SPATA17: variants seen among roughly 807,000 people sequenced by gnomAD.
SPATA17 encodes spermatogenesis associated 17, also known as spermatogenesis-associated protein 17.
In SPATA17, 53 loss-of-function variants were observed where a neutral mutation model predicts 62.2. That is an observed-to-expected ratio of 0.85 (90% confidence interval 0.68 to 1.07). The LOEUF is 1.07. Among genes scored for constraint, SPATA17 ranks in the 50% least tolerant of loss-of-function variants. The probability of loss-of-function intolerance (pLI) is 0.00; values close to 1 mark genes in which losing one functional copy is unlikely to be tolerated. For missense variants in SPATA17, 466 were observed against 425.5 expected (o/e 1.10, Z -0.84); for synonymous variants, 146 against 146.8 (o/e 0.99, Z 0.04).
intron 6 of SPATA17, among the ~76,000 whole-genome samples, chr1:217,773,188 C>T: frequency 6.6e-6 from 1 of 152,086 alleles, no homozygotes; most frequent in East Asian, 1.9e-4. Flanking sequence ...TCGAAGACAG[C>T]TATCTTAGTT....
chr1:217,810,981 C>G (rs990954062), intron 9 of SPATA17, among the ~76,000 whole-genome samples: 1 of 152,056 alleles, frequency 6.6e-6, no homozygotes, highest in Non-Finnish European at 1.5e-5. Context: ...TACACAGAGC[C>G]AAACCATATC....
At chr1:217,759,509 G>T (rs183384651) in intron 6 of SPATA17, among the ~76,000 whole-genome samples, 36 of 152,228 alleles carry the variant, frequency 2.4e-4, no homozygotes, top group Admixed American at 2.6e-4. Context: ...TGGCAATGGG[G>T]AACTGAGTTA....
chr1:217,757,652 G>A (rs1673081326), intron 6 of SPATA17, among the ~76,000 whole-genome samples: 1 of 152,162 alleles, frequency 6.6e-6, no homozygotes. Flanking sequence ...AAGGAAGCAA[G>A]GTTAGAGGAG....
chr1:217,739,008 A>G (rs1485166486), intron 5 of SPATA17, among the ~76,000 whole-genome samples: 1 of 152,142 alleles, frequency 6.6e-6, no homozygotes, highest in Non-Finnish European at 1.5e-5. Context: ...TCACTCCACT[A>G]TATTGTGGCT....
chr1:217,798,891 T>TC (rs375689411), intron 8 of SPATA17, among the ~76,000 whole-genome samples: 43 of 148,458 alleles, frequency 2.9e-4, no homozygotes, highest in South Asian at 1.3e-3. Context: ...TTTTTTTTTT[T>TC]CTGAGACGGA....
chr1:217,647,454 G>A (rs956776164), intron 1 of SPATA17, among the ~76,000 whole-genome samples: 4 of 152,222 alleles, frequency 2.6e-5, no homozygotes, highest in African/African-American at 7.2e-5. Flanking sequence ...GATCTCTCCT[G>A]AGGCCATGGG....
intron 7 of SPATA17, among the ~76,000 whole-genome samples, chr1:217,781,513 G>A (rs919240050): frequency 3.9e-5 from 6 of 152,158 alleles, no homozygotes; most frequent in African/African-American, 1.2e-4. Flanking sequence ...AGCAGGATAT[G>A]TTGTAAGTTA....
intron 5 of SPATA17, among the ~76,000 whole-genome samples, chr1:217,735,278 G>A (rs1327604026): frequency 6.6e-6 from 1 of 152,208 alleles, no homozygotes; most frequent in Admixed American, 6.5e-5. Context: ...GAAAATCCAA[G>A]ACAGGTGCCA....
intron 4 of SPATA17, among the ~76,000 whole-genome samples, chr1:217,670,688 C>T (rs148605952): frequency 3.5e-4 from 53 of 152,272 alleles, no homozygotes; most frequent in African/African-American, 1.1e-3. Context: ...TGGTGGCTCA[C>T]GCCTATAATC....
At chr1:217,707,671 G>A (rs1671767835) in intron 5 of SPATA17, among the ~76,000 whole-genome samples, 1 of 152,104 alleles carries the variant, frequency 6.6e-6, no homozygotes, top group African/African-American at 2.4e-5. Flanking sequence ...AAGATATTCA[G>A]GACCTGAACT....
At chr1:217,791,127 C>A (rs1256623750) in intron 8 of SPATA17, among the ~76,000 whole-genome samples, 4 of 152,160 alleles carry the variant, frequency 2.6e-5, no homozygotes, top group African/African-American at 9.7e-5. Flanking sequence ...TATTAATCAG[C>A]AGAGCCTTTT....
At chr1:217,853,708 A>G (rs2103013093) in intron 9 of SPATA17, among the ~76,000 whole-genome samples, 1 of 152,286 alleles carries the variant, frequency 6.6e-6, no homozygotes, top group South Asian at 2.1e-4. Context: ...ATTTTTGCCA[A>G]CCAATCAGTG....
At chr1:217,711,937 G>C (rs1224118814) in intron 5 of SPATA17, among the ~76,000 whole-genome samples, 3 of 152,126 alleles carry the variant, frequency 2.0e-5, no homozygotes. Context: ...GGCTGGAAGG[G>C]ACTTGAGGTA....
At chr1:217,675,847 G>A (rs1039418997) in intron 4 of SPATA17, among the ~76,000 whole-genome samples, 11 of 152,108 alleles carry the variant, frequency 7.2e-5, no homozygotes, top group African/African-American at 2.2e-4. Flanking sequence ...AACCCAGGAG[G>A]TCTGGCACTC....
intron 7 of SPATA17, among the ~76,000 whole-genome samples, 191 bp downstream of exon 7, chr1:217,774,728 T>C (rs1034290269): frequency 2.0e-5 from 3 of 152,188 alleles, no homozygotes; most frequent in African/African-American, 7.2e-5. Flanking sequence ...CTATACCCAC[T>C]AAACAACTCT....
At chr1:217,651,437 A>G (rs1174794878) in intron 3 of SPATA17, among the ~76,000 whole-genome samples, 1 of 152,190 alleles carries the variant, frequency 6.6e-6, no homozygotes, top group African/African-American at 2.4e-5. Flanking sequence ...GTATGCATTT[A>G]TACTTATTTA....
chr1:217,671,641 C>T (rs980453543), intron 4 of SPATA17, among the ~76,000 whole-genome samples: 1 of 152,050 alleles, frequency 6.6e-6, no homozygotes, highest in Non-Finnish European at 1.5e-5. Context: ...CTGTCCTCTC[C>T]TATCCTCCTC....
In SPATA17 at chr1:217,867,508, A is replaced by T. The variant is rs1676040383; in HGVS notation, c.*489A>T. 2 of 152,248 alleles carry T rather than the reference A, an allele frequency of 1.3e-5. No homozygotes were observed. The allele number at this position is 152,248 out of a possible 1,614,324, so 9.4% of individuals were successfully genotyped here. On this transcript the variant is annotated 3_prime_UTR_variant, in exon 11 of 11. Coordinates refer to ENST00000366933, the MANE Select transcript of SPATA17 (RefSeq NM_138796.4). ...CTTCAGACTGTTGAACTTGAGACAC[A>T]CAGACACAACAGACACAGACTAGTG...
chr1:217,664,377 C>T (rs1358705870), intron 3 of SPATA17, among the ~76,000 whole-genome samples: 1 of 150,864 alleles, frequency 6.6e-6, no homozygotes, highest in Non-Finnish European at 1.5e-5. Flanking sequence ...ACAACCTCTG[C>T]CTCCCAGGTT....
Sources: allele counts gnomAD v4.1 joint callset (sites outside exome capture counted in the v4.1 genomes callset), GRCh38; gene constraint gnomAD v4.1.1; transcripts MANE v1.5; gene names NCBI Gene and HGNC (gene_info 2026-07-23, HGNC 2026-07-21).